PEAK1: variants seen among roughly 807,000 people sequenced by gnomAD.
The protein encoded by PEAK1 is inactive tyrosine-protein kinase PEAK1.
A neutral mutation model predicts 124.7 loss-of-function variants in PEAK1; 54 were observed. The observed-to-expected ratio is 0.43, with a 90% CI of 0.35 to 0.54. PEAK1 has a LOEUF of 0.54. PEAK1 is among the 20% of genes least tolerant of loss of function. The probability of loss-of-function intolerance (pLI) is 0.01; values close to 1 mark genes in which losing one functional copy is unlikely to be tolerated. For synonymous variants in PEAK1, 719 were observed against 760.0 expected (o/e 0.95, Z 0.89); for missense variants, 2,046 against 2,134.5 (o/e 0.96, Z 0.82).
intron 6 of PEAK1, among the ~76,000 whole-genome samples, chr15:77,237,305 A>G (rs574019029): frequency 2.0e-5 from 3 of 152,286 alleles, no homozygotes; most frequent in African/African-American, 7.2e-5. Context: ...TAAAAACTGT[A>G]AATTTCTTCT....
chr15:77,248,951 G>A (rs989878458), intron 6 of PEAK1, among the ~76,000 whole-genome samples: 16 of 152,060 alleles, frequency 1.1e-4, no homozygotes, highest in African/African-American at 3.6e-4. Context: ...AGCTTCCCGA[G>A]TCACTGTGCA....
chr15:77,356,699 A>T (rs1229960621), intron 2 of PEAK1, among the ~76,000 whole-genome samples: 1 of 152,172 alleles, frequency 6.6e-6, no homozygotes, highest in African/African-American at 2.4e-5. Flanking sequence ...ACAATAACCC[A>T]GTTTTTATAC....
chr15:77,223,709 C>A (rs143041169), intron 6 of PEAK1, among the ~76,000 whole-genome samples: 185 of 152,028 alleles, frequency 1.2e-3, no homozygotes, highest in African/African-American at 4.4e-3. Context: ...ATTAAATCTG[C>A]TAAGTGATTG....
intron 6 of PEAK1, among the ~76,000 whole-genome samples, chr15:77,223,596 G>T (rs557096328): frequency 1.3e-5 from 2 of 152,120 alleles, no homozygotes; most frequent in Admixed American, 1.3e-4. Flanking sequence ...AAGACAAAAG[G>T]TCTTGTAAAA....
At chr15:77,368,960 T>C (rs1166603224) in intron 1 of PEAK1, among the ~76,000 whole-genome samples, 2 of 152,218 alleles carry the variant, frequency 1.3e-5, no homozygotes, top group African/African-American at 4.8e-5. Flanking sequence ...TGAAATTAAA[T>C]CACTATGTTT....
chr15:77,197,059 C>T (rs2058142538), intron 6 of PEAK1, among the ~76,000 whole-genome samples: 1 of 150,624 alleles, frequency 6.6e-6, no homozygotes, highest in Non-Finnish European at 1.5e-5. Context: ...TGTCACATTT[C>T]CCAGGCTGGT....
At chr15:77,248,807 TTTTA>T (rs1039790486) in intron 6 of PEAK1, among the ~76,000 whole-genome samples, 8 of 151,824 alleles carry the variant, frequency 5.3e-5, no homozygotes, top group African/African-American at 1.9e-4. Flanking sequence ...CTATATTTTA[TTTTA>T]TTTTATTTTA....
In PEAK1 at chr15:77,378,187, A is replaced by ATT. The variant is rs1307485720; in HGVS notation, c.-665-12964_-665-12963dup. ...GACTGCACTGACTCTGTATAACAAT[A>ATT]TTATATATATATATATATATACATA... On this transcript the variant is annotated intron_variant, in intron 1 of 9. Transcript: ENST00000682557. Among the ~76,000 whole-genome samples the ATT allele has an allele frequency of 1.6e-3, 136 of 85,500 alleles. 1 individual carries two copies. The highest frequency in any genetic ancestry group is 4.0e-3 in the African/African-American group (128 of 32,182). 56.1% of individuals were successfully genotyped at this position (85,500 alleles called of 152,430 possible).
intron 1 of PEAK1, among the ~76,000 whole-genome samples, chr15:77,405,575 G>A (rs539597739): frequency 9.2e-5 from 14 of 152,232 alleles, no homozygotes; most frequent in African/African-American, 2.9e-4. Flanking sequence ...GAGGGAAATC[G>A]TTGCATATAG....
downstream of PEAK1, chr15:77,106,988 ATCAC>A (rs796702428): frequency 2.6e-4 from 39 of 152,268 alleles, no homozygotes; most frequent in African/African-American, 8.9e-4. Flanking sequence ...ATTTAATTTA[ATCAC>A]TCAGTCAGTA....
intron 2 of PEAK1, among the ~76,000 whole-genome samples, chr15:77,345,613 G>A (rs894139183): frequency 2.6e-5 from 4 of 152,038 alleles, no homozygotes; most frequent in African/African-American, 7.2e-5. Flanking sequence ...ATAACACTGC[G>A]GCATACATCA....
intron 5 of PEAK1, among the ~76,000 whole-genome samples, chr15:77,259,627 A>G (rs1020146221): frequency 1.3e-5 from 2 of 152,178 alleles, no homozygotes; most frequent in African/African-American, 4.8e-5. Context: ...GCTTCTGACC[A>G]TGAGGGATTA....
chr15:77,248,706 A>G (rs758776788), intron 6 of PEAK1, among the ~76,000 whole-genome samples: 6 of 152,228 alleles, frequency 3.9e-5, no homozygotes, highest in Non-Finnish European at 8.8e-5. Flanking sequence ...GTTGTTTTCA[A>G]GCCACCCAGT....
intron 6 of PEAK1, among the ~76,000 whole-genome samples, chr15:77,226,634 A>G (rs1266164393): frequency 6.6e-6 from 1 of 152,162 alleles, no homozygotes; most frequent in African/African-American, 2.4e-5. Context: ...CTGTCTCACG[A>G]AAAGATAGCT....
At chr15:77,371,308 T>G (rs1352253364) in intron 1 of PEAK1, 6 of 920,306 alleles carry the variant, frequency 6.5e-6, no homozygotes, top group Non-Finnish European at 7.8e-6. Flanking sequence ...TAATATATAT[T>G]TCACTGAAAA....
At chr15:77,130,957 C>A (rs542758295) in intron 9 of PEAK1, among the ~76,000 whole-genome samples, 2 of 152,320 alleles carry the variant, frequency 1.3e-5, no homozygotes, top group East Asian at 1.9e-4. Context: ...GACAAAGCTA[C>A]TAAGAGGCAG....
intron 1 of PEAK1, among the ~76,000 whole-genome samples, chr15:77,372,848 G>A (rs943145623): frequency 6.7e-6 from 1 of 150,254 alleles, no homozygotes; most frequent in African/African-American, 2.4e-5. Flanking sequence ...TTGTTTAAAA[G>A]TGTGTAGCAC....
Position 77,133,680 on chromosome 15 carries a change from G to A in PEAK1, c.3402C>T (p.Ile1134=), listed in dbSNP as rs776942479. The change falls in exon 9 of 10, where the codon ATC becomes ATT. Residue 1134 remains isoleucine (I), a synonymous_variant. Transcript: ENST00000682557. The surrounding 1 kb of genome is among the most constrained non-coding windows in gnomAD (Gnocchi z 4.2). ...RQPKGAVDDA[I]AFGGKTDQEA... is the part of the protein sequence containing the mutation. ...CTTGGTCTGTTTTCCCTCCAAAGGC[G>A]ATGGCATCGTCCACAGCTCCCTTGG... 34 of 1,613,970 alleles carry A rather than the reference G, an allele frequency of 2.1e-5. No homozygotes were observed. Among genetic ancestry groups the A allele is most frequent in the Non-Finnish European group, 2.7e-5 (32 of 1,179,992 alleles).
intron 8 of PEAK1, among the ~76,000 whole-genome samples, chr15:77,153,202 C>G (rs190665905): frequency 1.3e-5 from 2 of 152,262 alleles, no homozygotes; most frequent in African/African-American, 4.8e-5. Flanking sequence ...TCAACTTCTT[C>G]CTGGTTTAGT....
Sources: gnomAD v4.1 joint callset for allele counts (sites outside exome capture counted in the v4.1 genomes callset) on GRCh38, gnomAD v4.1.1 for gene constraint, Gnocchi (gnomAD v3.1) non-coding constraint, MANE v1.5 for transcripts, NCBI Gene and HGNC (gene_info 2026-07-23, HGNC 2026-07-21) for gene names.